Variants in SNX13 observed in about 807,000 individuals in gnomAD.
The protein encoded by SNX13 is sorting nexin-13.
In SNX13, 45 loss-of-function variants were observed where a neutral mutation model predicts 133.6. The ratio of observed to expected loss-of-function variants is 0.34; its 90% CI spans 0.27 to 0.43. The LOEUF (loss-of-function observed/expected upper bound fraction) is 0.43. Ranked by LOEUF, SNX13 falls within the 20% of genes least tolerant of loss-of-function variation. The pLI is 1.00. For synonymous variants in SNX13, 414 were observed against 373.9 expected (o/e 1.11, Z -1.24); for missense variants, 1,032 against 1,145.1 (o/e 0.90, Z 1.43).
chr7:17,812,312 AC>A (rs1786142395), intron 20 of SNX13, among the ~76,000 whole-genome samples: 2 of 152,282 alleles, frequency 1.3e-5, no homozygotes, highest in South Asian at 2.1e-4. Flanking sequence ...AAGAAAAAAA[AC>A]AACCCCATCA....
At chr7:17,857,812 A>G (rs1031289997) in intron 9 of SNX13, among the ~76,000 whole-genome samples, 2 of 152,130 alleles carry the variant, frequency 1.3e-5, no homozygotes, top group Non-Finnish European at 2.9e-5. Flanking sequence ...ACAACACATT[A>G]AAAAGATTAT....
chr7:17,904,816 A>AC (rs1798224094), intron 1 of SNX13, among the ~76,000 whole-genome samples: 1 of 152,172 alleles, frequency 6.6e-6, no homozygotes, highest in African/African-American at 2.4e-5. Context: ...TTTTCCTCCC[A>AC]CGTTATTCTA....
chr7:17,877,297 A>G (rs892505605), intron 5 of SNX13, among the ~76,000 whole-genome samples: 1 of 152,020 alleles, frequency 6.6e-6, no homozygotes, highest in African/African-American at 2.4e-5. Flanking sequence ...GCATATAACT[A>G]AACTTGGTAA....
At chr7:17,901,253 TC>T (rs1797801032) in intron 1 of SNX13, among the ~76,000 whole-genome samples, 1 of 152,066 alleles carries the variant, frequency 6.6e-6, no homozygotes, top group Non-Finnish European at 1.5e-5. Context: ...AAGGAGTCTT[TC>T]CCGGACCTGC....
intron 9 of SNX13, among the ~76,000 whole-genome samples, chr7:17,854,989 T>TA (rs545502170): frequency 2.3e-4 from 35 of 149,894 alleles, no homozygotes; most frequent in East Asian, 5.9e-4. Context: ...ATGCAAAAAA[T>TA]AAAAAAAAAG....
chr7:17,798,975 G>A (rs373246640), intron 23 of SNX13, 34 bp downstream of exon 23: 1 of 1,589,168 alleles, frequency 6.3e-7, no homozygotes, highest in Non-Finnish European at 8.6e-7. Context: ...AGCTAAGTAA[G>A]ATCAGATTAA....
chr7:17,868,903 C>A (rs1381761565), intron 8 of SNX13, among the ~76,000 whole-genome samples: 1 of 151,998 alleles, frequency 6.6e-6, no homozygotes, highest in Non-Finnish European at 1.5e-5. Flanking sequence ...GAAACGGCAA[C>A]TACAGTACAT....
intron 22 of SNX13, 39 bp from the exon 23 acceptor site, chr7:17,799,193 C>G: frequency 6.6e-7 from 1 of 1,515,110 alleles, no homozygotes; most frequent in Non-Finnish European, 8.9e-7. Flanking sequence ...TTTGAGTTAG[C>G]TATCTACTAT....
chr7:17,896,080 G>A (rs932076773), intron 2 of SNX13, among the ~76,000 whole-genome samples: 1 of 152,144 alleles, frequency 6.6e-6, no homozygotes, highest in Non-Finnish European at 1.5e-5. Context: ...TCACTATTCA[G>A]CCATGCTGTC....
chr7:17,891,223 A>C (rs540705176), intron 4 of SNX13, among the ~76,000 whole-genome samples: 1 of 152,152 alleles, frequency 6.6e-6, no homozygotes, highest in South Asian at 2.1e-4. Flanking sequence ...GTAGGAAAAA[A>C]AGTCTGATTT....
intron 1 of SNX13, among the ~76,000 whole-genome samples, chr7:17,924,224 A>G (rs1406432723): frequency 6.6e-6 from 1 of 152,232 alleles, no homozygotes; most frequent in African/African-American, 2.4e-5. Flanking sequence ...ATATTTGCAA[A>G]TCATGTATCT....
At chr7:17,902,247 T>G (rs1474693747) in intron 1 of SNX13, among the ~76,000 whole-genome samples, 3 of 90,832 alleles carry the variant, frequency 3.3e-5, no homozygotes, top group Admixed American at 1.3e-4. Context: ...TCATGGTTTT[T>G]TTTTTTTTTT....
chr7:17,831,573 C>A, intron 15 of SNX13: 1 of 983,984 alleles, frequency 1.0e-6, no homozygotes, highest in Non-Finnish European at 1.2e-6. Context: ...AGAAAAACCA[C>A]CAGAGGATAC....
At chr7:17,916,510 C>G (rs1799578121) in intron 1 of SNX13, among the ~76,000 whole-genome samples, 1 of 152,050 alleles carries the variant, frequency 6.6e-6, no homozygotes, top group Non-Finnish European at 1.5e-5. Flanking sequence ...AAAAGATCCT[C>G]AGACTACTAT....
At chr7:17,923,935 T>C (rs983015183) in intron 1 of SNX13, among the ~76,000 whole-genome samples, 1 of 152,194 alleles carries the variant, frequency 6.6e-6, no homozygotes, top group African/African-American at 2.4e-5. Flanking sequence ...ACCATCTAGA[T>C]ATGATAGAAT....
chr7:17,851,327 G>T (rs568233244), intron 9 of SNX13, among the ~76,000 whole-genome samples: 5 of 152,178 alleles, frequency 3.3e-5, no homozygotes, highest in Non-Finnish European at 7.4e-5. Flanking sequence ...TCACTCTGAA[G>T]CAAGTCAGAA....
intron 12 of SNX13, among the ~76,000 whole-genome samples, chr7:17,845,336 T>C (rs1790373046): frequency 6.6e-6 from 1 of 152,110 alleles, no homozygotes; most frequent in Non-Finnish European, 1.5e-5. Flanking sequence ...GTCAAAATTA[T>C]AGAGACAGAA....
chr7:17,872,844 A>C (rs1277356579), intron 8 of SNX13, among the ~76,000 whole-genome samples: 2 of 152,204 alleles, frequency 1.3e-5, no homozygotes, highest in African/African-American at 4.8e-5. Context: ...AGCCTTTCTA[A>C]ATCATTACCA....
chr7:17,822,455 T>G (rs2128303369), intron 17 of SNX13, among the ~76,000 whole-genome samples: 1 of 152,288 alleles, frequency 6.6e-6, no homozygotes, highest in South Asian at 2.1e-4. Flanking sequence ...TCTCTGACCT[T>G]ACTTTCAATC....
Sources: gnomAD v4.1 joint callset for allele counts (sites outside exome capture counted in the v4.1 genomes callset) on GRCh38, gnomAD v4.1.1 for gene constraint, MANE v1.5 for transcripts, NCBI Gene and HGNC (gene_info 2026-07-23, HGNC 2026-07-21) for gene names.